The following METTL6 variants were observed in gnomAD, a reference collection of about 807,000 sequenced individuals.
METTL6 encodes tRNA N(3)-cytidine methyltransferase METTL6.
A neutral mutation model predicts 26.4 loss-of-function variants in METTL6; 22 were observed. That is an observed-to-expected ratio of 0.83 (90% CI 0.59 to 1.19). METTL6 has a LOEUF of 1.19. Ranked by LOEUF, METTL6 falls within the 50% of genes most tolerant of loss-of-function variation. The probability of loss-of-function intolerance (pLI) is 0.00; values close to 1 mark genes in which losing one functional copy is unlikely to be tolerated. For synonymous variants in METTL6, 109 were observed against 116.2 expected (o/e 0.94, Z 0.40); for missense variants, 304 against 324.8 (o/e 0.94, Z 0.49).
intron 6 of METTL6, among the ~76,000 whole-genome samples, chr3:15,391,745 G>A (rs138166029): frequency 0.075 from 11,119 of 148,802 alleles, 508 homozygotes; most frequent in African/African-American, 0.12. Context: ...GAGAACATGC[G>A]GTGTTTGGTT....
intron 4 of METTL6, among the ~76,000 whole-genome samples, chr3:15,415,080 G>A (rs1323401348): frequency 6.6e-6 from 1 of 151,964 alleles, no homozygotes; most frequent in East Asian, 1.9e-4. Flanking sequence ...CCAGAATGTC[G>A]TTTTGGCTCT....
intron 6 of METTL6, among the ~76,000 whole-genome samples, chr3:15,393,506 T>A (rs573587332): frequency 8.5e-5 from 13 of 152,344 alleles, no homozygotes; most frequent in Non-Finnish European, 1.6e-4. Flanking sequence ...CCTGCCTGAT[T>A]TCCCTGGCCA....
chr3:15,423,349 C>T (rs1252287693), intron 3 of METTL6, among the ~76,000 whole-genome samples: 1 of 152,178 alleles, frequency 6.6e-6, no homozygotes, highest in African/African-American at 2.4e-5. Context: ...GCTGAGATTG[C>T]ACCACTGCAC....
exon 7 of METTL6, chr3:15,383,570 CA>C (rs1467836884): frequency 2.0e-5 from 3 of 151,470 alleles, no homozygotes; most frequent in African/African-American, 7.3e-5. Context: ...TACATGTTCT[CA>C]ATACAAAGAA....
intron 6 of METTL6, among the ~76,000 whole-genome samples, chr3:15,389,221 T>G (rs374945057): frequency 2.0e-5 from 3 of 151,694 alleles, no homozygotes; most frequent in Non-Finnish European, 4.4e-5. Context: ...CTCGAACTCC[T>G]GCCCTCAAGC....
intron 6 of METTL6, among the ~76,000 whole-genome samples, chr3:15,392,339 T>C (rs891124151): frequency 2.7e-5 from 4 of 150,564 alleles, no homozygotes; most frequent in African/African-American, 9.9e-5. Context: ...CACTTGTTGA[T>C]GGGGTTGTTT....
intron 4 of METTL6, chr3:15,414,586 C>T: frequency 3.7e-6 from 1 of 271,098 alleles, no homozygotes; most frequent in Non-Finnish European, 7.2e-6. Context: ...AACTCCTGAC[C>T]TCAAGTAATT....
intron 6 of METTL6, among the ~76,000 whole-genome samples, chr3:15,389,133 C>A (rs145064767): frequency 6.6e-6 from 1 of 151,466 alleles, no homozygotes; most frequent in Admixed American, 6.6e-5. Context: ...TGGGATTACA[C>A]GCATGAGGCA....
chr3:15,401,846 T>A (rs1323485036), intron 6 of METTL6, among the ~76,000 whole-genome samples: 1 of 152,228 alleles, frequency 6.6e-6, no homozygotes, highest in Non-Finnish European at 1.5e-5. Context: ...ATGAATAACC[T>A]ACCCCTTATT....
At chr3:15,388,445 T>C (rs1302801379) in intron 6 of METTL6, among the ~76,000 whole-genome samples, 2 of 151,968 alleles carry the variant, frequency 1.3e-5, no homozygotes, top group South Asian at 2.1e-4. Flanking sequence ...ACTTGGTGAG[T>C]AGGGGAAAGC....
intron 3 of METTL6, among the ~76,000 whole-genome samples, chr3:15,422,617 C>G (rs2061633107): frequency 6.6e-6 from 1 of 151,648 alleles, no homozygotes; most frequent in African/African-American, 2.4e-5. Flanking sequence ...CAAAGCAAGA[C>G]CATGTCAATT....
intron 3 of METTL6, among the ~76,000 whole-genome samples, chr3:15,420,140 G>A (rs1035628190): frequency 6.6e-6 from 1 of 152,110 alleles, no homozygotes; most frequent in African/African-American, 2.4e-5. Context: ...GATTACAGGT[G>A]TGAGCCACTG....
chr3:15,394,270 C>A (rs1293968450), intron 6 of METTL6, among the ~76,000 whole-genome samples: 1 of 152,150 alleles, frequency 6.6e-6, no homozygotes, highest in East Asian at 1.9e-4. Flanking sequence ...TCCAGATTTT[C>A]TAGTTTATTT....
downstream of METTL6, among the ~76,000 whole-genome samples, chr3:15,408,157 T>C (rs1699851459): frequency 6.6e-6 from 1 of 152,184 alleles, no homozygotes; most frequent in South Asian, 2.1e-4. Flanking sequence ...GAAGAAAAAC[T>C]ACTCTCTGGT....
At chr3:15,416,418 A>G (rs540650745) in intron 3 of METTL6, among the ~76,000 whole-genome samples, 1 of 151,992 alleles carries the variant, frequency 6.6e-6, no homozygotes, top group South Asian at 2.1e-4. Context: ...ATCTGGCTAA[A>G]TTTTTATTTT....
Position 15,427,509 on chromosome 3 carries a change from T to C in METTL6, c.-232A>G, listed in dbSNP as rs761196948. 1.4e-5 allele frequency: 7 copies of C among 514,164 alleles called. No homozygotes were observed. The highest frequency in any genetic ancestry group is 2.1e-5 in the Non-Finnish European group (6 of 286,090). 31.9% of individuals were successfully genotyped at this position (514,164 alleles called of 1,614,324 possible). A position where few individuals can be genotyped will look rare whatever the true frequency, so the allele number is the denominator to read the frequency against. On this transcript the variant is annotated 5_prime_UTR_variant, in exon 1 of 6. Transcript: ENST00000383790. The stretch of plus-strand genomic sequence containing the variant: ...AATTCGGATTATCCGGGAGTTCTTT[T>C]GCCATGGCACCGCCCCCGCCACTTC...
rs528720066 is a variant in METTL6 at position 15,411,518 on chromosome 3, C to T, written c.674-81G>A. 7 of 1,339,840 alleles carry T rather than the reference C, an allele frequency of 5.2e-6. No homozygotes were observed. The East Asian group carries it at 1.7e-4, about 33-fold the overall frequency. 83.0% of individuals were successfully genotyped at this position (1,339,840 alleles called of 1,614,324 possible). On this transcript the variant is annotated intron_variant, in intron 5 of 5. Transcript: ENST00000383790. Reference sequence around the variant, plus strand: ...GCAGTCCTTGAGGAGGGATAGAGGGCTGAGGCTATTTTAATATTTTTTTAA... The same window carrying T: ...GCAGTCCTTGAGGAGGGATAGAGGGTTGAGGCTATTTTAATATTTTTTTAA...
downstream of METTL6, among the ~76,000 whole-genome samples, chr3:15,406,113 A>G (rs1699776126): frequency 6.6e-6 from 1 of 151,912 alleles, no homozygotes; most frequent in African/African-American, 2.4e-5. Context: ...ATATTTTAAT[A>G]TAATATAGTA....
At chr3:15,415,301 G>T (rs946727534) in intron 4 of METTL6, among the ~76,000 whole-genome samples, 2 of 152,230 alleles carry the variant, frequency 1.3e-5, no homozygotes, top group African/African-American at 4.8e-5. Context: ...ATACTCAACA[G>T]GGTTAAGTGA....
Sources: allele counts gnomAD v4.1 joint callset (sites outside exome capture counted in the v4.1 genomes callset), GRCh38; gene constraint gnomAD v4.1.1; transcripts MANE v1.5; gene names NCBI Gene and HGNC (gene_info 2026-07-23, HGNC 2026-07-21).